The following RAMP1 variants were observed in gnomAD, a reference collection of about 807,000 sequenced individuals.
RAMP1 encodes the protein receptor activity modifying protein 1, also known as receptor activity-modifying protein 1.
A neutral mutation model predicts 8.2 loss-of-function variants in RAMP1; 7 were observed. The ratio of observed to expected loss-of-function variants is 0.85; its 90% CI spans 0.49 to 1.60. The LOEUF (loss-of-function observed/expected upper bound fraction) is 1.60, where lower values mean the gene tolerates loss of function less well. RAMP1 is among the 40% of genes most tolerant of loss of function. The pLI is 0.00. For missense variants in RAMP1, 192 were observed against 202.4 expected (o/e 0.95, Z 0.31); for synonymous variants, 92 against 84.7 (o/e 1.09, Z -0.47).
At chr2:237,894,442 G>A (rs1158719521) in intron 2 of RAMP1, among the ~76,000 whole-genome samples, 1 of 152,204 alleles carries the variant, frequency 6.6e-6, no homozygotes, top group Non-Finnish European at 1.5e-5. Flanking sequence ...TGCTGGGGTG[G>A]GAGCTAGGCC....
intron 1 of RAMP1, among the ~76,000 whole-genome samples, chr2:237,869,065 C>T (rs956676639): frequency 2.6e-5 from 4 of 152,160 alleles, no homozygotes; most frequent in Admixed American, 6.5e-5. Flanking sequence ...CTTAGGGCCT[C>T]CGTATCCCTA....
At chr2:237,876,308 A>G (rs2062302630) in intron 1 of RAMP1, among the ~76,000 whole-genome samples, 1 of 152,176 alleles carries the variant, frequency 6.6e-6, no homozygotes, top group South Asian at 2.1e-4. Context: ...GTCCTCACTC[A>G]TGAGGCCCAG....
At chr2:237,904,278 G>A (rs2062633547) in intron 2 of RAMP1, among the ~76,000 whole-genome samples, 1 of 151,952 alleles carries the variant, frequency 6.6e-6, no homozygotes, top group Non-Finnish European at 1.5e-5. Context: ...AATAGCCAGG[G>A]CGTGGTGGCG....
intron 2 of RAMP1, among the ~76,000 whole-genome samples, chr2:237,910,162 T>G (rs1251861922): frequency 1.3e-5 from 2 of 151,302 alleles, no homozygotes; most frequent in African/African-American, 4.9e-5. Context: ...AATAACACAG[T>G]CACACGTGCA....
At chr2:237,866,280 G>T (rs2062186488) in intron 1 of RAMP1, among the ~76,000 whole-genome samples, 1 of 151,936 alleles carries the variant, frequency 6.6e-6, no homozygotes, top group Non-Finnish European at 1.5e-5. Flanking sequence ...TTTCTAGCTG[G>T]TCATCGCTGG....
At chr2:237,884,875 C>A (rs1394061862) in intron 2 of RAMP1, among the ~76,000 whole-genome samples, 3 of 152,224 alleles carry the variant, frequency 2.0e-5, no homozygotes, top group Non-Finnish European at 4.4e-5. Context: ...CATGGGCCCT[C>A]CCCCAGCCCA....
chr2:237,886,714 G>A (rs564046385), intron 2 of RAMP1, among the ~76,000 whole-genome samples: 10 of 152,360 alleles, frequency 6.6e-5, no homozygotes, highest in African/African-American at 1.2e-4. Flanking sequence ...AGCGCGGAGC[G>A]TGGCACTGAG....
intron 2 of RAMP1, among the ~76,000 whole-genome samples, chr2:237,910,778 AAAT>A (rs1395523086): frequency 6.6e-6 from 1 of 151,190 alleles, no homozygotes; most frequent in Non-Finnish European, 1.5e-5. Flanking sequence ...GTCACACACA[AAAT>A]AACAGTCACA....
In RAMP1 at chr2:237,911,789, G is replaced by GCCCAGGCTGCCCGCGGGTGCA. The variant is rs1293479629; in HGVS notation, c.*17_*37dup. The GCCCAGGCTGCCCGCGGGTGCA allele has an allele frequency of 1.3e-6, 2 of 1,590,902 alleles. No individual in the cohort carries two copies. Among genetic ancestry groups the GCCCAGGCTGCCCGCGGGTGCA allele is most frequent in the African/African-American group, 1.3e-5 (1 of 74,456 alleles). On this transcript the variant is annotated 3_prime_UTR_variant, in exon 3 of 3. Coordinates refer to ENST00000254661, the MANE Select transcript of RAMP1 (RefSeq NM_005855.4). The stretch of plus-strand genomic sequence containing the variant: ...GCACTGAGGGCATTGTGTAGGCGGG[G>GCCCAGGCTGCCCGCGGGTGCA]CCCAGGCTGCCCGCGGGTGCACCCA...
chr2:237,868,635 T>C (rs1576534172), intron 1 of RAMP1, among the ~76,000 whole-genome samples: 3 of 152,254 alleles, frequency 2.0e-5, no homozygotes, highest in East Asian at 1.9e-4. Context: ...CTACACTTTT[T>C]CTTGAATGCC....
chr2:237,907,011 A>G (rs546232717), intron 2 of RAMP1, among the ~76,000 whole-genome samples: 5 of 152,130 alleles, frequency 3.3e-5, no homozygotes, highest in African/African-American at 1.2e-4. Context: ...GTGTGAGCCA[A>G]TGTGCCCAGC....
intron 2 of RAMP1, among the ~76,000 whole-genome samples, chr2:237,910,576 TACACAGTC>T (rs2062701117): frequency 7.0e-6 from 1 of 142,984 alleles, no homozygotes; most frequent in Non-Finnish European, 1.5e-5. Flanking sequence ...GAATAACAGT[TACACAGTC>T]ACACAGAATA....
Position 237,911,755 on chromosome 2 carries a change from A to T in RAMP1, c.419A>T (p.Gln140Leu), listed in dbSNP as rs369488647. 27 of 1,611,528 alleles carry T rather than the reference A, an allele frequency of 1.7e-5. No individual in the cohort carries two copies. In the African/African-American group the frequency reaches 3.3e-4, roughly 20 times the overall value. ...TLLVTALVVW[Q>L]SKRTEGIV is the part of the protein sequence containing the mutation. The stretch of plus-strand genomic sequence containing the variant: ...CTGGTGACGGCACTGGTGGTCTGGC[A>T]GAGCAAGCGCACTGAGGGCATTGTG... The change falls in exon 3 of 3, where the codon CAG becomes CTG. Residue 140 changes from glutamine (Q) to leucine (L), a missense_variant. By Grantham distance (113) the Gln-to-Leu change is moderately radical. Coordinates refer to ENST00000254661, the MANE Select transcript of RAMP1 (RefSeq NM_005855.4).
At chr2:237,868,805 C>T (rs565309209) in intron 1 of RAMP1, among the ~76,000 whole-genome samples, 6 of 152,214 alleles carry the variant, frequency 3.9e-5, no homozygotes, top group Non-Finnish European at 7.4e-5. Flanking sequence ...CTCTTTAGCA[C>T]GTGAATTGTT....
At chr2:237,897,650 C>T (rs922941099) in intron 2 of RAMP1, among the ~76,000 whole-genome samples, 1 of 151,950 alleles carries the variant, frequency 6.6e-6, no homozygotes, top group Non-Finnish European at 1.5e-5. Flanking sequence ...CATGATTTGG[C>T]GAAGTATTTG....
chr2:237,890,798 T>C (rs1483248222), intron 2 of RAMP1, among the ~76,000 whole-genome samples: 1 of 152,236 alleles, frequency 6.6e-6, no homozygotes, highest in Non-Finnish European at 1.5e-5. Context: ...GTGTTTCTTC[T>C]TTCCCCTTTT....
rs1039669413 is a variant in RAMP1, at chr2:237,865,620, C to T, written c.52+5893C>T. On this transcript the variant is annotated intron_variant, in intron 1 of 2. Coordinates refer to ENST00000254661, the MANE Select transcript of RAMP1 (RefSeq NM_005855.4). This position sits in a 1 kb window ranked among gnomAD's most constrained non-coding sequence, Gnocchi z 4.2. The stretch of plus-strand genomic sequence containing the variant: ...CCTTGGATTCTGAGGGGTGATGGTA[C>T]GTAGACAGGAGTCTATGCAAATCAA... 3.9e-5 allele frequency among the ~76,000 whole-genome samples: 6 copies of T among 152,090 alleles called. No individual in the cohort carries two copies. The highest frequency in any genetic ancestry group is 8.8e-5 in the Non-Finnish European group (6 of 68,010).
intron 2 of RAMP1, among the ~76,000 whole-genome samples, chr2:237,880,319 CTG>C (rs2062355955): frequency 6.6e-6 from 1 of 152,214 alleles, no homozygotes; most frequent in African/African-American, 2.4e-5. Context: ...ACACTGGCTT[CTG>C]TGTCCTTTCG....
intron 2 of RAMP1, among the ~76,000 whole-genome samples, chr2:237,893,422 C>T (rs780584308): frequency 7.9e-5 from 12 of 152,268 alleles, no homozygotes; most frequent in African/African-American, 1.4e-4. Flanking sequence ...TCTCCAGGAC[C>T]GGACACTGAC....
Sources: allele counts gnomAD v4.1 joint callset (sites outside exome capture counted in the v4.1 genomes callset), GRCh38; gene constraint gnomAD v4.1.1; non-coding constraint Gnocchi (gnomAD v3.1); transcripts MANE v1.5; gene names NCBI Gene and HGNC (gene_info 2026-07-23, HGNC 2026-07-21).